The following SLC26A4 variants were observed in gnomAD, a reference collection of about 807,000 sequenced individuals.
The protein encoded by SLC26A4 is solute carrier family 26 member 4, also known as pendrin.
Under a neutral mutation model 90.4 loss-of-function variants are expected in SLC26A4, and 93 were observed. The observed-to-expected ratio is 1.03, with a 90% CI of 0.87 to 1.22. SLC26A4 has a LOEUF of 1.22. Ranked by LOEUF, SLC26A4 falls within the 50% of genes most tolerant of loss-of-function variation. The pLI is 0.00. For synonymous variants in SLC26A4, 393 were observed against 354.6 expected, an observed-to-expected ratio of 1.11 and a Z score of -1.22; for missense variants, 1,127 against 946.2, an observed-to-expected ratio of 1.19 and a Z score of -2.51.
At position 107,689,188 on chromosome 7, in the gene SLC26A4, C is replaced by T. The variant is rs779717335; in HGVS notation, c.1137C>T (p.Ile379=). Residue 379 remains isoleucine (I), a synonymous_variant, in exon 9 of 21, where the codon ATC becomes ATT. Coordinates refer to ENST00000644269, the MANE Select transcript of SLC26A4 (RefSeq NM_000441.2). ...KVYATKYDYT[I]DGNQEFIAFG... ...ATGCCACCAAGTATGATTACACCAT[C>T]GATGGGAACCAGGTATGGGTGCCCT... The T allele has an allele frequency of 3.7e-6, 6 of 1,613,420 alleles. No individual in the cohort carries two copies. The highest frequency in any genetic ancestry group is 2.7e-5 in the African/African-American group (2 of 74,816).
At chr7:107,709,940 G>T (rs1200664677) in intron 18 of SLC26A4, 114 bp from the exon 19 acceptor site, 4 of 823,610 alleles carry the variant, frequency 4.9e-6, no homozygotes, top group Non-Finnish European at 8.1e-6. Context: ...AGGTTGCAGT[G>T]AGCAATGATG....
Position 107,712,586 on chromosome 7 carries a change from A to G in SLC26A4, c.2283A>G (p.Thr761=), listed in dbSNP as rs202033028. Residue 761 remains threonine, a synonymous_variant, in exon 20 of 21, where the codon ACA becomes ACG. Transcript: ENST00000644269. ...AAGATACCCTTGAATTAATAGAAAC[A>G]GAGCTGACGGAAGAAGAACTTGATG... ...DCKDTLELIE[T]ELTEEELDVQ... 2.8e-5 allele frequency: 44 copies of G among 1,593,698 alleles called. No homozygotes were observed. The East Asian group carries it at 9.4e-4, about 34-fold the overall frequency.
At chr7:107,667,243 T>C (rs1310140796) in intron 3 of SLC26A4, among the ~76,000 whole-genome samples, 1 of 151,550 alleles carries the variant, frequency 6.6e-6, no homozygotes, top group African/African-American at 2.4e-5. Flanking sequence ...GACATAAAAA[T>C]CAGGAAAGCA....
chr7:107,672,234 G>T lies in SLC26A4; in HGVS notation c.401G>T (p.Arg134Ile), dbSNP rs1790889845. The change falls in exon 4 of 21, where the codon AGA becomes ATA. Residue 134 changes from arginine to isoleucine, a missense_variant. Physicochemically the swap from Arg to Ile is moderately conservative, Grantham distance 97. Coordinates refer to ENST00000644269, the MANE Select transcript of SLC26A4 (RefSeq NM_000441.2). The stretch of plus-strand genomic sequence containing the variant: ...ACATACTTTATCTTTGGAACATCAA[G>T]ACATATCTCAGTTGGTAATTATAAG... ...ILTYFIFGTS[R>I]HISVGPFPVV... is the part of the protein sequence containing the mutation. 6 of 1,585,556 alleles carry T rather than the reference G, an allele frequency of 3.8e-6. No homozygotes were observed. The highest frequency in any genetic ancestry group is 4.3e-6 in the Non-Finnish European group (5 of 1,154,424).
chr7:107,705,683 C>T (rs936909825), intron 18 of SLC26A4, among the ~76,000 whole-genome samples: 6 of 152,168 alleles, frequency 3.9e-5, no homozygotes, highest in African/African-American at 7.2e-5. Context: ...AAAGAAGCTA[C>T]TCATTGTGAA....
chr7:107,690,349 C>T (rs1791534328), intron 10 of SLC26A4, 112 bp downstream of exon 10: 2 of 746,130 alleles, frequency 2.7e-6, no homozygotes, highest in African/African-American at 3.4e-5. Flanking sequence ...ACTTGTACTT[C>T]CTAATCTGAT....
intron 18 of SLC26A4, 130 bp downstream of exon 18, chr7:107,704,515 T>C: frequency 5.0e-6 from 3 of 601,114 alleles, no homozygotes; most frequent in South Asian, 3.8e-5. Flanking sequence ...TTGTCATTAT[T>C]TGCAGTTCTG....
In SLC26A4 at chr7:107,715,420, C is replaced by T. The variant is rs758347901; in HGVS notation, c.2320-3C>T. On this transcript the variant is annotated splice_region_variant and splice_polypyrimidine_tract_variant and intron_variant, in intron 20 of 20. Transcript: ENST00000644269. ...ACACTTTGTTTTCCCCTTGCTTCCA[C>T]AGGCTATGCGTACACTTGCATCCTG... is the stretch of plus-strand genomic sequence containing the variant. The T allele has an allele frequency of 6.2e-7, 1 of 1,612,922 alleles. No individual in the cohort carries two copies. Among genetic ancestry groups the T allele is most frequent in the South Asian group, 1.1e-5 (1 of 91,042 alleles).
chr7:107,701,477 C>T (rs1347436853), intron 16 of SLC26A4, among the ~76,000 whole-genome samples: 1 of 152,136 alleles, frequency 6.6e-6, no homozygotes, highest in African/African-American at 2.4e-5. Context: ...CTGAAAGGAA[C>T]AAAATAAGTG....
intron 12 of SLC26A4, among the ~76,000 whole-genome samples, 156 bp downstream of exon 12, chr7:107,694,872 A>G (rs1303795612): frequency 1.3e-5 from 2 of 152,212 alleles, no homozygotes; most frequent in Non-Finnish European, 2.9e-5. Context: ...AAAGCCATGA[A>G]GTCTTCCATG....
chr7:107,700,690 G>A (rs1387566400), intron 15 of SLC26A4, among the ~76,000 whole-genome samples: 2 of 152,208 alleles, frequency 1.3e-5, no homozygotes, highest in African/African-American at 4.8e-5. Flanking sequence ...GCTATGCTTT[G>A]AACTTGGAGT....
chr7:107,706,076 C>T (rs1231344741), intron 18 of SLC26A4, among the ~76,000 whole-genome samples: 1 of 152,194 alleles, frequency 6.6e-6, no homozygotes, highest in Non-Finnish European at 1.5e-5. Flanking sequence ...ATAATAAAAA[C>T]TCATAAATAT....
intron 6 of SLC26A4, among the ~76,000 whole-genome samples, chr7:107,680,281 T>A (rs1224544020): frequency 9.7e-6 from 1 of 102,722 alleles, no homozygotes; most frequent in South Asian, 2.6e-4. Flanking sequence ...TTATATAATA[T>A]AATCTTATCT....
At chr7:107,685,898 G>A (rs1046872306) in intron 8 of SLC26A4, among the ~76,000 whole-genome samples, 9 of 151,806 alleles carry the variant, frequency 5.9e-5, no homozygotes, top group Non-Finnish European at 7.4e-5. Context: ...GCTCACGCAC[G>A]TGTATGTGTA....
rs1431410352 is a variant in SLC26A4 at position 107,661,799 on chromosome 7, G to C, written c.158G>C (p.Cys53Ser). The C allele has an allele frequency of 3.3e-6, 5 of 1,536,440 alleles. No individual in the cohort carries two copies. The highest frequency in any genetic ancestry group is 4.4e-6 in the Non-Finnish European group (5 of 1,146,368). The change falls in exon 2 of 21, where the codon TGC becomes TCC. Residue 53 changes from cysteine (C) to serine (S), a missense_variant. Cys to Ser is a moderately radical substitution (Grantham distance 112, BLOSUM62 -1). Coordinates refer to ENST00000644269, the MANE Select transcript of SLC26A4 (RefSeq NM_000441.2). The surrounding 1 kb of genome is among the most constrained non-coding windows in gnomAD (Gnocchi z 5.1). Reference sequence around the variant, plus strand: ...ACGCTGCGGGAGAGCCTGGCCAAGTGCTGCAGGTAGCGGCCGCGCGGGCCT... The same window carrying C: ...ACGCTGCGGGAGAGCCTGGCCAAGTCCTGCAGGTAGCGGCCGCGCGGGCCT... ...RKTLRESLAK[C>S]CSCSRKRAFG... is the part of the protein sequence containing the mutation.
At chr7:107,665,560 A>G (rs1289142628) in intron 3 of SLC26A4, among the ~76,000 whole-genome samples, 1 of 152,226 alleles carries the variant, frequency 6.6e-6, no homozygotes, top group Non-Finnish European at 1.5e-5. Context: ...TAGATGGTAT[A>G]TTTAGTGAAA....
chr7:107,684,525 T>C (rs1382896492), intron 8 of SLC26A4, among the ~76,000 whole-genome samples: 6 of 152,232 alleles, frequency 3.9e-5, no homozygotes, highest in Non-Finnish European at 8.8e-5. Context: ...CTCTAATATC[T>C]GTTCCAAACT....
At chr7:107,701,317 T>G in intron 16 of SLC26A4, 121 bp downstream of exon 16, 1 of 717,806 alleles carries the variant, frequency 1.4e-6, no homozygotes, top group South Asian at 1.5e-5. Flanking sequence ...AAATGACATG[T>G]ACGTATCAAA....
At position 107,663,302 on chromosome 7, in the gene SLC26A4, A is replaced by C. The variant is rs903975921; in HGVS notation, c.171A>C (p.Ser57=). The C allele has an allele frequency of 1.2e-6, 2 of 1,614,104 alleles. No homozygotes were observed. The highest frequency in any genetic ancestry group is 1.7e-6 in the Non-Finnish European group (2 of 1,180,048). ...TTTTCTTGCTTTTTGACAGTTGTTC[A>C]AGAAAGAGAGCCTTTGGTGTGCTAA... The part of the protein sequence containing the change: ...RESLAKCCSC[S]RKRAFGVLKT... Residue 57 remains serine (S), a synonymous_variant, in exon 3 of 21, where the codon TCA becomes TCC. Coordinates refer to ENST00000644269, the MANE Select transcript of SLC26A4 (RefSeq NM_000441.2).
Sources: allele counts gnomAD v4.1 joint callset (sites outside exome capture counted in the v4.1 genomes callset), GRCh38; gene constraint gnomAD v4.1.1; non-coding constraint Gnocchi (gnomAD v3.1); transcripts MANE v1.5; gene names NCBI Gene and HGNC (gene_info 2026-07-23, HGNC 2026-07-21).